The following RGL3 variants were observed in gnomAD, a reference collection of about 807,000 sequenced individuals.
RGL3 encodes ral guanine nucleotide dissociation stimulator-like 3.
In RGL3, 85 loss-of-function variants were observed where a neutral mutation model predicts 90.6. The observed-to-expected ratio is 0.94, with a 90% CI of 0.79 to 1.12. RGL3 has a LOEUF of 1.12. Ranked by LOEUF, RGL3 falls within the 50% of genes most tolerant of loss-of-function variation. RGL3 has a pLI of 0.00. For synonymous variants in RGL3, 408 were observed against 385.5 expected (o/e 1.06, Z -0.68); for missense variants, 1,034 against 939.2 (o/e 1.10, Z -1.32).
chr19:11,395,448 G>T (rs190051691), intron 18 of RGL3, among the ~76,000 whole-genome samples: 1 of 152,054 alleles, frequency 6.6e-6, no homozygotes. Context: ...CCTCTCTCCC[G>T]TCCCAAGTTC....
chr19:11,406,441 T>C lies in RGL3; in HGVS notation c.974A>G (p.Glu325Gly). 2 of 1,541,728 alleles carry C rather than the reference T, an allele frequency of 1.3e-6. No individual in the cohort carries two copies. Among genetic ancestry groups the C allele is most frequent in the Middle Eastern group, 1.9e-4 (1 of 5,334 alleles). ...LAAPQRAQRL[E>G]KWIRIAQRCR... ...CACCTGGGCGATGCGGATCCACTTC[T>C]CCAGCCGCTGCGCCCTCTGCGGGGC... Residue 325 changes from glutamate (E) to glycine (G), a missense_variant, in exon 7 of 19, where the codon GAG (glutamate) becomes GGG (glycine). Glu to Gly is a moderately conservative substitution (Grantham distance 98). Coordinates refer to ENST00000380456, the MANE Select transcript of RGL3 (RefSeq NM_001035223.4).
In RGL3 at chr19:11,408,674, A is replaced by G. The variant is rs575567736; in HGVS notation, c.638-1810T>C. 4 of 152,200 alleles carry G rather than the reference A, an allele frequency of 2.6e-5. No homozygotes were observed. The East Asian group carries it at 7.7e-4, about 29-fold the overall frequency. 9.4% of individuals were successfully genotyped at this position (152,200 alleles called of 1,614,324 possible). ...TACTTTAGTGGATTTTGATGGTGGCACCCTGGAGGGGAAACTTTGGAAACT... is the reference window on the plus strand; with the variant it reads ...TACTTTAGTGGATTTTGATGGTGGCGCCCTGGAGGGGAAACTTTGGAAACT... On this transcript the variant is annotated intron_variant, in intron 5 of 18. Transcript: ENST00000380456.
At position 11,394,109 on chromosome 19, in the gene RGL3, G is replaced by A. The variant is rs964606709; in HGVS notation, c.*293C>T. ...CATCCGCATCTGTCACTTCTGATGC[G>A]TCTCTAACATTTATAAGATTTCTCT... On this transcript the variant is annotated 3_prime_UTR_variant, in exon 19 of 19. Coordinates refer to ENST00000380456, the MANE Select transcript of RGL3 (RefSeq NM_001035223.4). 1.2e-5 allele frequency: 4 copies of A among 328,498 alleles called. No homozygotes were observed. The highest frequency in any genetic ancestry group is 4.2e-5 in the African/African-American group (2 of 47,522). The allele number at this position is 328,498 out of a possible 1,614,324, so 20.3% of individuals were successfully genotyped here. A position where few individuals can be genotyped will look rare whatever the true frequency, so the allele number is the denominator to read the frequency against.
rs753504798 is a variant in RGL3 at position 11,405,226 on chromosome 19, G to C, written c.1106C>G (p.Pro369Arg). Reference sequence around the variant, plus strand: ...CGAAAGTTTCCTGAAAGTAGATAGCGGTTCCCTGGAAGGACAGGAGAAGGG... The same window carrying C: ...CGAAAGTTTCCTGAAAGTAGATAGCCGTTCCCTGGAAGGACAGGAGAAGGG... Reference protein sequence around the residue: ...KRSWGAVSREPLSTFRKLSQI... With the variant: ...KRSWGAVSRERLSTFRKLSQI... Residue 369 changes from proline to arginine, a missense_variant, in exon 9 of 19, where the codon CCG becomes CGG. Coordinates refer to ENST00000380456, the MANE Select transcript of RGL3 (RefSeq NM_001035223.4). The C allele has an allele frequency of 3.7e-6, 6 of 1,614,014 alleles. No individual in the cohort carries two copies. The highest frequency in any genetic ancestry group is 5.1e-6 in the Non-Finnish European group (6 of 1,179,910).
At chr19:11,394,585 C>T (rs912540430) in intron 18 of RGL3, 65 bp from the exon 19 acceptor site, 166 of 1,252,248 alleles carry the variant, frequency 1.3e-4, no homozygotes, top group Non-Finnish European at 1.8e-4. Context: ...ACAGAGGACC[C>T]GGGAGCCTCC....
chr19:11,401,193 G>T (rs543961319), intron 13 of RGL3, among the ~76,000 whole-genome samples: 2 of 151,752 alleles, frequency 1.3e-5, no homozygotes, highest in South Asian at 4.2e-4. Flanking sequence ...AATCAGATGG[G>T]GTTGAAATTG....
At chr19:11,404,644 G>A (rs1968736743) in intron 9 of RGL3, among the ~76,000 whole-genome samples, 1 of 152,186 alleles carries the variant, frequency 6.6e-6, no homozygotes. Flanking sequence ...CAGAGGCAGG[G>A]ACATTTAATC....
chr19:11,417,139 C>T, intron 2 of RGL3, 80 bp from the exon 3 acceptor site: 2 of 1,020,810 alleles, frequency 2.0e-6, no homozygotes, highest in Non-Finnish European at 2.8e-6. Context: ...TCATCACTAG[C>T]ACCACTCTTT....
intron 4 of RGL3, 22 bp downstream of exon 4, chr19:11,416,592 C>T (rs768642073): frequency 2.5e-6 from 4 of 1,611,866 alleles, no homozygotes; most frequent in Non-Finnish European, 2.5e-6. Flanking sequence ...CCCGCACTCC[C>T]CTATCTGGAT....
At chr19:11,418,236 T>A (rs916820487) in intron 2 of RGL3, among the ~76,000 whole-genome samples, 1 of 10,744 alleles carries the variant, frequency 9.3e-5, no homozygotes, top group Non-Finnish European at 2.0e-4. Context: ...TCCCGTCCCC[T>A]CCCCCCACCC....
chr19:11,409,374 A>G (rs1280109837), intron 5 of RGL3, among the ~76,000 whole-genome samples: 1 of 152,000 alleles, frequency 6.6e-6, no homozygotes, highest in African/African-American at 2.4e-5. Context: ...CCAGCTACCC[A>G]GGAGGCTGAG....
intron 5 of RGL3, among the ~76,000 whole-genome samples, chr19:11,407,648 T>C (rs912814751): frequency 6.6e-6 from 1 of 151,762 alleles, no homozygotes. Flanking sequence ...ACTCGTCCAC[T>C]AGCTTGCTGT....
rs1227837071 is a variant in RGL3, at chr19:11,400,190, C to A, written c.1580+12G>T. ...CCCACATCACCGCCCCTACACACAC[C>A]CCGAGACTCACGCACTGAGACGCTT... On this transcript the variant is annotated intron_variant, in intron 14 of 18. Transcript: ENST00000380456. The A allele has an allele frequency of 6.3e-7, 1 of 1,576,876 alleles. No individual in the cohort carries two copies. The highest frequency in any genetic ancestry group is 1.2e-5 in the South Asian group (1 of 86,144).
In RGL3 at chr19:11,401,050, A is replaced by C. The variant is rs191093952; in HGVS notation, c.1485-753T>G. The stretch of plus-strand genomic sequence containing the variant: ...AGTCAGTTACTCAGAACTGAGGGTC[A>C]AGGGTTGGGGTCAGAGAGTCAGATG... On this transcript the variant is annotated intron_variant, in intron 13 of 18. Transcript: ENST00000380456. Among the ~76,000 whole-genome samples the C allele has an allele frequency of 4.0e-4, 60 of 151,822 alleles. 1 individual carries two copies. Among genetic ancestry groups the C allele is most frequent in the Admixed American group, 1.2e-3 (19 of 15,208 alleles).
Position 11,400,246 on chromosome 19 carries a change from G to C in RGL3, c.1536C>G (p.Ser512=). The change falls in exon 14 of 19, where the codon TCC becomes TCG. Residue 512 remains serine, a synonymous_variant. Coordinates refer to ENST00000380456, the MANE Select transcript of RGL3 (RefSeq NM_001035223.4). ...GGCTGATCCGCCGTCGGATGCGTGG[G>C]GAGCTGGGGCAGGAGGCAGCTGGTG... The part of the protein sequence containing the change: ...IEPPAASCPS[S]PRIRRRISLT... The C allele has an allele frequency of 6.2e-7, 1 of 1,601,214 alleles. No individual in the cohort carries two copies. Among genetic ancestry groups the C allele is most frequent in the Non-Finnish European group, 8.5e-7 (1 of 1,173,332 alleles).
At chr19:11,418,078 G>A (rs1015400177) in intron 2 of RGL3, among the ~76,000 whole-genome samples, 1 of 151,858 alleles carries the variant, frequency 6.6e-6, no homozygotes, top group African/African-American at 2.4e-5. Flanking sequence ...TTGGTCTCTC[G>A]AAGCGCAGGG....
rs922135895 is a variant in RGL3, at chr19:11,416,531, T to C, written c.425+83A>G. The C allele has an allele frequency of 5.0e-6, 7 of 1,389,536 alleles. No individual in the cohort carries two copies. The African/African-American group carries it at 8.5e-5, about 17-fold the overall frequency. The allele number at this position is 1,389,536 out of a possible 1,614,324, so 86.1% of individuals were successfully genotyped here. ...CAGTCTCTTATTACCCAACCTGCAATTTTCAAAACCCCAGTCCGACTGCTA... is the reference window on the plus strand; with the variant it reads ...CAGTCTCTTATTACCCAACCTGCAACTTTCAAAACCCCAGTCCGACTGCTA... On this transcript the variant is annotated intron_variant, in intron 4 of 18. Coordinates refer to ENST00000380456, the MANE Select transcript of RGL3 (RefSeq NM_001035223.4).
chr19:11,398,414 CA>C (rs1456544485), intron 16 of RGL3, among the ~76,000 whole-genome samples: 3 of 152,018 alleles, frequency 2.0e-5, no homozygotes, highest in African/African-American at 7.2e-5. Context: ...GGTGCCATCT[CA>C]GCTCACTGCA....
chr19:11,414,134 CATATATATATATATATAT>C (rs56098998), intron 5 of RGL3, among the ~76,000 whole-genome samples: 632 of 30,420 alleles, frequency 0.021, 22 homozygotes, highest in Middle Eastern at 0.12. Context: ...CTGGAGAAAT[CATATATATATATATATAT>C]ATATATATAT....
Sources: gnomAD v4.1 joint callset for allele counts (sites outside exome capture counted in the v4.1 genomes callset) on GRCh38, gnomAD v4.1.1 for gene constraint, MANE v1.5 for transcripts, NCBI Gene and HGNC (gene_info 2026-07-23, HGNC 2026-07-21) for gene names.